Variants in ABI3BP observed in about 807,000 individuals in gnomAD.
ABI3BP encodes target of Nesh-SH3.
ABI3BP carries 216 observed loss-of-function variants against 268.6 expected under a neutral mutation model. The observed-to-expected ratio is 0.80, with a 90% CI of 0.72 to 0.90. The LOEUF is 0.90. Ranked by LOEUF, ABI3BP falls within the 40% of genes least tolerant of loss-of-function variation. ABI3BP has a pLI of 0.00. For missense variants in ABI3BP, 2,090 were observed against 2,182.4 expected (o/e 0.96, Z 0.84); for synonymous variants, 730 against 730.0 (o/e 1.00, Z 0.00).
chr3:100,808,300 A>T, intron 49 of ABI3BP, 65 bp from the exon 50 acceptor site: 1 of 1,247,886 alleles, frequency 8.0e-7, no homozygotes, highest in East Asian at 2.5e-5. Flanking sequence ...CTAAGCCTCT[A>T]GAAGCTCAGG....
intron 2 of ABI3BP, among the ~76,000 whole-genome samples, chr3:100,910,389 C>T (rs1324579825): frequency 6.8e-6 from 1 of 146,288 alleles, no homozygotes; most frequent in Admixed American, 7.0e-5. Flanking sequence ...GCACATGTAC[C>T]CCAGAACTGA....
intron 1 of ABI3BP, among the ~76,000 whole-genome samples, chr3:100,934,213 A>C (rs560614983): frequency 1.3e-5 from 2 of 151,140 alleles, no homozygotes; most frequent in Non-Finnish European, 3.0e-5. Flanking sequence ...ACTCCCACTT[A>C]TGATTGAGAA....
chr3:100,807,737 C>T (rs140024542), intron 50 of ABI3BP, among the ~76,000 whole-genome samples: 8 of 152,086 alleles, frequency 5.3e-5, no homozygotes, highest in Admixed American at 2.0e-4. Flanking sequence ...CTTCCTTTGC[C>T]GGTATCCTGG....
chr3:100,792,599 G>A, intron 55 of ABI3BP, 92 bp downstream of exon 55: 2 of 1,292,244 alleles, frequency 1.5e-6, no homozygotes, highest in Non-Finnish European at 2.2e-6. Context: ...GTAATCCACT[G>A]TGTTGAGAAA....
intron 2 of ABI3BP, among the ~76,000 whole-genome samples, chr3:100,924,142 T>C (rs1372461991): frequency 6.6e-6 from 1 of 152,122 alleles, no homozygotes; most frequent in Non-Finnish European, 1.5e-5. Flanking sequence ...TATTCTATAA[T>C]ATAGAATACG....
chr3:100,821,942 C>T (rs567929167), intron 38 of ABI3BP, among the ~76,000 whole-genome samples: 1 of 151,990 alleles, frequency 6.6e-6, no homozygotes. Flanking sequence ...TAGACTGTCT[C>T]CTCTGGTTGG....
intron 39 of ABI3BP, 84 bp downstream of exon 39, chr3:100,820,970 C>T (rs2152654636): frequency 8.8e-7 from 1 of 1,139,814 alleles, no homozygotes; most frequent in East Asian, 2.6e-5. Flanking sequence ...TCTTGAAAAG[C>T]ATAAGAATCT....
chr3:100,898,265 T>C (rs970892266), intron 4 of ABI3BP, among the ~76,000 whole-genome samples: 24 of 152,154 alleles, frequency 1.6e-4, no homozygotes, highest in African/African-American at 5.5e-4. Flanking sequence ...AAAACACAAA[T>C]GGCTGGGCCC....
At chr3:100,837,846 G>T (rs1483390583) in intron 26 of ABI3BP, among the ~76,000 whole-genome samples, 1 of 152,160 alleles carries the variant, frequency 6.6e-6, no homozygotes, top group African/African-American at 2.4e-5. Context: ...TTTCAGTTGT[G>T]CCTATAAATG....
intron 6 of ABI3BP, among the ~76,000 whole-genome samples, chr3:100,884,428 G>T (rs2040903284): frequency 6.6e-6 from 1 of 152,104 alleles, no homozygotes. Flanking sequence ...ACACTTTTCT[G>T]CCATTTCAAA....
At chr3:100,791,522 G>A (rs139499546) in intron 55 of ABI3BP, among the ~76,000 whole-genome samples, 4 of 151,888 alleles carry the variant, frequency 2.6e-5, no homozygotes, top group Non-Finnish European at 5.9e-5. Flanking sequence ...GCAAAAACAT[G>A]AAATAATAAA....
chr3:100,968,981 C>A (rs1035966270), intron 1 of ABI3BP, among the ~76,000 whole-genome samples: 2 of 152,134 alleles, frequency 1.3e-5, no homozygotes, highest in Non-Finnish European at 2.9e-5. Flanking sequence ...CAGGCCTGGG[C>A]CCTTTGGGAT....
intron 3 of ABI3BP, among the ~76,000 whole-genome samples, chr3:100,901,622 C>T (rs1191072011): frequency 1.3e-5 from 2 of 151,800 alleles, no homozygotes; most frequent in Non-Finnish European, 1.5e-5. Flanking sequence ...AAAAATTAGC[C>T]GGGCCTGGTG....
At chr3:100,852,469 A>T (rs1220211419) in intron 14 of ABI3BP, among the ~76,000 whole-genome samples, 1 of 152,192 alleles carries the variant, frequency 6.6e-6, no homozygotes, top group Non-Finnish European at 1.5e-5. Context: ...TCCCTGAGAA[A>T]TAGGTGAGGT....
intron 2 of ABI3BP, among the ~76,000 whole-genome samples, chr3:100,909,824 T>C (rs1223810124): frequency 6.6e-6 from 1 of 152,072 alleles, no homozygotes; most frequent in African/African-American, 2.4e-5. Flanking sequence ...TTGGTGGGAG[T>C]GTAAATTAGT....
chr3:100,935,620 T>G (rs113410247), intron 1 of ABI3BP, among the ~76,000 whole-genome samples: 13 of 152,228 alleles, frequency 8.5e-5, no homozygotes, highest in African/African-American at 3.1e-4. Context: ...GCACGGAATG[T>G]TTTTCCATTT....
chr3:100,841,740 A>G (rs1211784223), intron 21 of ABI3BP, among the ~76,000 whole-genome samples: 2 of 151,914 alleles, frequency 1.3e-5, no homozygotes, highest in Admixed American at 6.6e-5. Context: ...AATATAAAAT[A>G]TTAGCCAGGG....
chr3:100,908,322 T>TA (rs890573682), intron 2 of ABI3BP, among the ~76,000 whole-genome samples: 6 of 151,990 alleles, frequency 3.9e-5, no homozygotes, highest in African/African-American at 1.4e-4. Flanking sequence ...TGATACTGGG[T>TA]AAAAAAACAA....
intron 57 of ABI3BP, among the ~76,000 whole-genome samples, chr3:100,783,256 C>A (rs2096922018): frequency 1.3e-5 from 2 of 152,168 alleles, no homozygotes; most frequent in African/African-American, 4.8e-5. Flanking sequence ...GATTTAGTTA[C>A]AGCCCAGAAA....
Sources: allele counts gnomAD v4.1 joint callset (sites outside exome capture counted in the v4.1 genomes callset), GRCh38; gene constraint gnomAD v4.1.1; transcripts MANE v1.5; gene names NCBI Gene and HGNC (gene_info 2026-07-23, HGNC 2026-07-21).